Variants in DIP2B observed in about 807,000 individuals in gnomAD.
DIP2B encodes disco-interacting protein 2 homolog B.
A neutral mutation model predicts 198.0 loss-of-function variants in DIP2B; 76 were observed. That is an observed-to-expected ratio of 0.38 (90% CI 0.32 to 0.46). DIP2B has a LOEUF of 0.46. DIP2B is among the 20% of genes least tolerant of loss of function. DIP2B has a pLI of 0.99. For synonymous variants in DIP2B, 701 were observed against 739.1 expected, an observed-to-expected ratio of 0.95 and a Z score of 0.84; for missense variants, 1,559 against 1,978.4, an observed-to-expected ratio of 0.79 and a Z score of 4.02.
chr12:50,739,263 G>A (rs542588713), intron 35 of DIP2B, 146 bp from the exon 36 acceptor site: 57 of 750,728 alleles, frequency 7.6e-5, no homozygotes, highest in East Asian at 6.5e-4. Flanking sequence ...TGATGAGCAC[G>A]TGGTAAATGT....
At chr12:50,571,769 G>GTCTCGA (rs1958617055) in intron 1 of DIP2B, among the ~76,000 whole-genome samples, 2 of 151,638 alleles carry the variant, frequency 1.3e-5, no homozygotes, top group Non-Finnish European at 2.9e-5. Flanking sequence ...AGCCAGGATG[G>GTCTCGA]TCTCGATCTC....
chr12:50,549,725 ATGTGGTTGTTCATGATTTC>A (rs1285915819), intron 1 of DIP2B, among the ~76,000 whole-genome samples: 1 of 140,052 alleles, frequency 7.1e-6, no homozygotes, highest in Non-Finnish European at 1.6e-5. Flanking sequence ...AAAAAAAGCC[ATGTGGTTGTTCATGATTTC>A]TGCATTTTTT....
Position 50,602,979 on chromosome 12 carries a change from A to G in DIP2B, c.101-22997A>G, listed in dbSNP as rs111441109. Among the ~76,000 whole-genome samples, 247 of 151,772 alleles carry G rather than the reference A, an allele frequency of 1.6e-3. 1 individual carries two copies. The highest frequency in any genetic ancestry group is 2.7e-3 in the Non-Finnish European group (182 of 67,958). On this transcript the variant is annotated intron_variant, in intron 1 of 37. Coordinates refer to ENST00000301180, the MANE Select transcript of DIP2B (RefSeq NM_173602.3). ...GGAGATTGAGACCATCCTGGCATAC[A>G]CGGTGAAACCCTGTCTCTACTAAAA...
chr12:50,715,658 C>A (rs1319452741), intron 23 of DIP2B, among the ~76,000 whole-genome samples: 1 of 152,198 alleles, frequency 6.6e-6, no homozygotes, highest in African/African-American at 2.4e-5. Context: ...ATTAGGCTCC[C>A]CAACCTCTAC....
At chr12:50,521,949 C>T (rs1958124110) in intron 1 of DIP2B, among the ~76,000 whole-genome samples, 1 of 151,048 alleles carries the variant, frequency 6.6e-6, no homozygotes, top group African/African-American at 2.4e-5. Context: ...AGCCCCCAAA[C>T]ATTTTTTATT....
intron 7 of DIP2B, among the ~76,000 whole-genome samples, chr12:50,675,771 A>G (rs1423927926): frequency 6.6e-6 from 1 of 152,204 alleles, no homozygotes; most frequent in East Asian, 1.9e-4. Flanking sequence ...ATTTTCTCGG[A>G]TGTGGATATC....
At position 50,636,631 on chromosome 12, in the gene DIP2B, A is replaced by T. The variant is rs139186480; in HGVS notation, c.173-4093A>T. ...TGCTGTTTGCTTTCCATCATCTCACAGGGTGCTGCTGAATAACTGGTCCTC... is the reference window on the plus strand; with the variant it reads ...TGCTGTTTGCTTTCCATCATCTCACTGGGTGCTGCTGAATAACTGGTCCTC... On this transcript the variant is annotated intron_variant, in intron 2 of 37. Coordinates refer to ENST00000301180, the MANE Select transcript of DIP2B (RefSeq NM_173602.3). 2.6e-5 allele frequency among the ~76,000 whole-genome samples: 4 copies of T among 152,304 alleles called. No individual in the cohort carries two copies. In the East Asian group the frequency reaches 7.7e-4, roughly 29 times the overall value.
chr12:50,712,630 T>A (rs1383498226), intron 22 of DIP2B, among the ~76,000 whole-genome samples: 1 of 145,118 alleles, frequency 6.9e-6, no homozygotes, highest in Non-Finnish European at 1.5e-5. Flanking sequence ...GAAAAAGGGC[T>A]GGGCACGGTG....
intron 23 of DIP2B, among the ~76,000 whole-genome samples, chr12:50,717,335 T>G (rs1447831794): frequency 7.0e-6 from 1 of 143,842 alleles, no homozygotes. Context: ...TGGAGTGCGG[T>G]GGCATGATCT....
chr12:50,743,207 C>T (rs1368938215), intron 37 of DIP2B, among the ~76,000 whole-genome samples: 2 of 152,030 alleles, frequency 1.3e-5, no homozygotes, highest in East Asian at 1.9e-4. Context: ...CTCAGCCTCC[C>T]GGGTAGCTGG....
chr12:50,557,875 G>A (rs1166197886), intron 1 of DIP2B, among the ~76,000 whole-genome samples: 2 of 152,170 alleles, frequency 1.3e-5, no homozygotes, highest in Non-Finnish European at 2.9e-5. Context: ...TGCCAGGCGT[G>A]GTGGCTCCCA....
chr12:50,661,219 G>A (rs1555190797), intron 4 of DIP2B, among the ~76,000 whole-genome samples: 1 of 152,076 alleles, frequency 6.6e-6, no homozygotes, highest in Admixed American at 6.6e-5. Context: ...TCAATATAGT[G>A]TCTCTCTTTC....
At chr12:50,645,746 C>T (rs1938338473) in intron 3 of DIP2B, among the ~76,000 whole-genome samples, 1 of 152,038 alleles carries the variant, frequency 6.6e-6, no homozygotes, top group Non-Finnish European at 1.5e-5. Context: ...AGTGGTGAAC[C>T]ATTGTGTCCA....
intron 13 of DIP2B, among the ~76,000 whole-genome samples, chr12:50,691,685 A>G (rs1375693745): frequency 6.6e-6 from 1 of 152,210 alleles, no homozygotes. Flanking sequence ...TAACCAGACA[A>G]CAATGTTCTA....
At chr12:50,659,358 G>C (rs556968207) in intron 3 of DIP2B, among the ~76,000 whole-genome samples, 1 of 152,288 alleles carries the variant, frequency 6.6e-6, no homozygotes, top group East Asian at 1.9e-4. Context: ...TTACAGAGCG[G>C]TATGGAAGGA....
At chr12:50,575,328 T>C (rs1034669722) in intron 1 of DIP2B, among the ~76,000 whole-genome samples, 9 of 152,192 alleles carry the variant, frequency 5.9e-5, no homozygotes, top group African/African-American at 2.2e-4. Flanking sequence ...GCCTTTTCAT[T>C]AGTTTAAGCT....
chr12:50,718,372 C>T (rs1171026397), intron 23 of DIP2B, among the ~76,000 whole-genome samples: 1 of 152,090 alleles, frequency 6.6e-6, no homozygotes, highest in African/African-American at 2.4e-5. Context: ...CAGCTATCAC[C>T]TCCTCAGAGT....
chr12:50,713,920 T>TA (rs894673615), intron 22 of DIP2B, among the ~76,000 whole-genome samples: 1 of 151,544 alleles, frequency 6.6e-6, no homozygotes, highest in Non-Finnish European at 1.5e-5. Context: ...ACCTTAAAAT[T>TA]AAAAAAAAGA....
chr12:50,722,602 T>C (rs1939859615), intron 26 of DIP2B, among the ~76,000 whole-genome samples: 1 of 152,272 alleles, frequency 6.6e-6, no homozygotes, highest in East Asian at 1.9e-4. Flanking sequence ...TACTGAGATT[T>C]CGTAGAAGAT....
Sources: gnomAD v4.1 joint callset for allele counts (sites outside exome capture counted in the v4.1 genomes callset) on GRCh38, gnomAD v4.1.1 for gene constraint, MANE v1.5 for transcripts, NCBI Gene and HGNC (gene_info 2026-07-23, HGNC 2026-07-21) for gene names.